The following CAMKK1 variants were observed in gnomAD, a reference collection of about 807,000 sequenced individuals.
The protein encoded by CAMKK1 is calcium/calmodulin-dependent protein kinase kinase 1.
In CAMKK1, 20 loss-of-function variants were observed where a neutral mutation model predicts 63.5. The observed-to-expected ratio is 0.32, with a 90% confidence interval of 0.22 to 0.46. The LOEUF (loss-of-function observed/expected upper bound fraction) is 0.46. CAMKK1 is among the 20% of genes least tolerant of loss of function. The probability of loss-of-function intolerance (pLI) is 1.00; values close to 1 mark genes in which losing one functional copy is unlikely to be tolerated. For missense variants in CAMKK1, 588 were observed against 658.1 expected, an observed-to-expected ratio of 0.89 and a Z score of 1.17; for synonymous variants, 253 against 269.0, an observed-to-expected ratio of 0.94 and a Z score of 0.58.
intron 9 of CAMKK1, among the ~76,000 whole-genome samples, chr17:3,876,718 G>A (rs1044857930): frequency 6.6e-5 from 10 of 151,582 alleles, no homozygotes; most frequent in Middle Eastern, 3.4e-3. Context: ...GAGGTCAGAG[G>A]AAACTAGGGC....
chr17:3,891,433 G>T (rs1344746390), intron 1 of CAMKK1, among the ~76,000 whole-genome samples: 1 of 152,180 alleles, frequency 6.6e-6, no homozygotes, highest in Admixed American at 6.5e-5. Context: ...AAGGCCTTTT[G>T]GGAGCAGGAC....
At chr17:3,871,689 G>A (rs561558021) in intron 12 of CAMKK1, among the ~76,000 whole-genome samples, 18 of 125,544 alleles carry the variant, frequency 1.4e-4, no homozygotes, top group South Asian at 2.5e-4. Flanking sequence ...TTTTTTTTTT[G>A]AGACAGAGTC....
Position 3,883,757 on chromosome 17 carries a change from C to A in CAMKK1, c.462+127G>T. On this transcript the variant is annotated intron_variant, in intron 4 of 15. Coordinates refer to ENST00000348335, the MANE Select transcript of CAMKK1 (RefSeq NM_032294.3). This position sits in a 1 kb window ranked among gnomAD's most constrained non-coding sequence, Gnocchi z 4.7. Reference sequence around the variant, plus strand: ...GTTAGGAAGCTCATTCCTTTGCATACCCCTAGGGACAGGGAGCTCACTCTC... The same window carrying A: ...GTTAGGAAGCTCATTCCTTTGCATAACCCTAGGGACAGGGAGCTCACTCTC... The A allele has an allele frequency of 1.1e-6, 1 of 887,986 alleles. No homozygotes were observed. The highest frequency in any genetic ancestry group is 1.8e-6 in the Non-Finnish European group (1 of 540,698). 55.0% of individuals were successfully genotyped at this position (887,986 alleles called of 1,614,324 possible). A position where few individuals can be genotyped will look rare whatever the true frequency, so the allele number is the denominator to read the frequency against.
At position 3,869,550 on chromosome 17, in the gene CAMKK1, C is replaced by T; in HGVS notation, c.1278G>A (p.Val426=). 2 of 1,614,236 alleles carry T rather than the reference C, an allele frequency of 1.2e-6. No homozygotes were observed. Among genetic ancestry groups the T allele is most frequent in the Non-Finnish European group, 8.5e-7 (1 of 1,180,040 alleles). Reference sequence around the variant, plus strand: ...TAACCTCCTCCTCTGTCACCTCCACCACGCTGCAGTGCTCCTCCTCCGAAG... The same window carrying T: ...TAACCTCCTCCTCTGTCACCTCCACTACGCTGCAGTGCTCCTCCTCCGAAG... ...PLPSEEEHCS[V]VEVTEEEVKN... The change falls in exon 14 of 16, where the codon GTG becomes GTA. Residue 426 remains valine (V), a synonymous_variant. Coordinates refer to ENST00000348335, the MANE Select transcript of CAMKK1 (RefSeq NM_032294.3).
Position 3,885,298 on chromosome 17 carries a change from A to T in CAMKK1, c.360+30T>A, listed in dbSNP as rs1346577166. ...TTCATTGCAGACTACTGAGGGGCTCATGAACAACCCCTCGTTCTGCCCCAC... is the reference window on the plus strand; with the variant it reads ...TTCATTGCAGACTACTGAGGGGCTCTTGAACAACCCCTCGTTCTGCCCCAC... On this transcript the variant is annotated intron_variant, in intron 2 of 15. Coordinates refer to ENST00000348335, the MANE Select transcript of CAMKK1 (RefSeq NM_032294.3). 3.2e-6 allele frequency: 5 copies of T among 1,551,392 alleles called. No individual in the cohort carries two copies. In the East Asian group the frequency reaches 1.1e-4, roughly 35 times the overall value.
intron 10 of CAMKK1, among the ~76,000 whole-genome samples, chr17:3,875,185 T>C (rs9898774): frequency 0.17 from 25,748 of 152,144 alleles, 3,315 homozygotes; most frequent in African/African-American, 0.35. Context: ...TGAATCTGGG[T>C]AAAAAGATAT....
At chr17:3,867,280 C>T (rs773130616) in intron 14 of CAMKK1, among the ~76,000 whole-genome samples, 2 of 152,104 alleles carry the variant, frequency 1.3e-5, no homozygotes, top group African/African-American at 2.4e-5. Context: ...CAGAGGGAAG[C>T]GAAGTCTGAA....
chr17:3,871,333 GTTTTTTTTTTTTTGTTTTTTTTTTTTT>G (rs1348635302), intron 12 of CAMKK1, among the ~76,000 whole-genome samples: 1 of 111,006 alleles, frequency 9.0e-6, no homozygotes, highest in South Asian at 3.0e-4. Flanking sequence ...GTTGTTTTTT[GTTTTTTTTTTTTTGTTTTTTTTTTTTT>G]TTTTTTTTTT....
At chr17:3,891,082 G>C (rs1435613211) in intron 1 of CAMKK1, among the ~76,000 whole-genome samples, 2 of 149,364 alleles carry the variant, frequency 1.3e-5, no homozygotes, top group Non-Finnish European at 3.0e-5. Context: ...TAGAGGAGCA[G>C]AAGTGGCCTC....
At chr17:3,870,755 C>T (rs764178130) in intron 12 of CAMKK1, among the ~76,000 whole-genome samples, 15 of 152,150 alleles carry the variant, frequency 9.9e-5, no homozygotes, top group Non-Finnish European at 2.1e-4. Flanking sequence ...CTGTTGACTT[C>T]GGTTCCCCCT....
chr17:3,869,983 G>T, intron 12 of CAMKK1, 95 bp from the exon 13 acceptor site: 1 of 997,434 alleles, frequency 1.0e-6, no homozygotes. Flanking sequence ...CCTCGGATGG[G>T]AAGACTGAGT....
Position 3,872,570 on chromosome 17 carries a change from C to A in CAMKK1, c.1108G>T (p.Val370Leu). The stretch of plus-strand genomic sequence containing the variant: ...ACAACTCACTCCTCAGGAAACACCA[C>A]GGGCTCATTCTTGATCTTCCTGTGG... ...ALHRKIKNEP[V>L]VFPEEPEISE... Residue 370 changes from valine to leucine, a missense_variant, in exon 12 of 16, where the codon GTG becomes TTG. Val to Leu is a conservative substitution (Grantham distance 32). Around this residue, in one of 3 missense-constraint regions of CAMKK1, gnomAD observed 226 missense variants for 229.2 expected, o/e 0.99. Transcript: ENST00000348335. 1.2e-6 allele frequency: 2 copies of A among 1,613,926 alleles called. No homozygotes were observed. Among genetic ancestry groups the A allele is most frequent in the Non-Finnish European group, 1.7e-6 (2 of 1,179,814 alleles).
At chr17:3,888,845 G>A (rs2055775357) in intron 1 of CAMKK1, among the ~76,000 whole-genome samples, 1 of 152,184 alleles carries the variant, frequency 6.6e-6, no homozygotes. Flanking sequence ...CGCCCCGGCC[G>A]CGTGTGTGAG....
rs1299964867 is a variant in CAMKK1 at position 3,890,217 on chromosome 17, T to G, written c.-44+2722A>C. ...AGCTCCCGCCCCCACCCGGGATGACTCAGTCCCCTTGAGGGAGGCCCAGGC... is the reference window on the plus strand; with the variant it reads ...AGCTCCCGCCCCCACCCGGGATGACGCAGTCCCCTTGAGGGAGGCCCAGGC... On this transcript the variant is annotated intron_variant, in intron 1 of 15. Transcript: ENST00000348335. This position sits in a 1 kb window ranked among gnomAD's most constrained non-coding sequence, Gnocchi z 6.5. Among the ~76,000 whole-genome samples the G allele has an allele frequency of 6.6e-6, 1 of 152,042 alleles. No homozygotes were observed. Among genetic ancestry groups the G allele is most frequent in the Non-Finnish European group, 1.5e-5 (1 of 67,996 alleles).
At position 3,882,458 on chromosome 17, in the gene CAMKK1, A is replaced by T; in HGVS notation, c.685+70T>A. The T allele has an allele frequency of 6.3e-7, 1 of 1,591,218 alleles. No homozygotes were observed. The highest frequency in any genetic ancestry group is 8.6e-7 in the Non-Finnish European group (1 of 1,161,014). The stretch of plus-strand genomic sequence containing the variant: ...CATTTACACCGCCCACCTGAAGGTC[A>T]TACATGTCCCAAGGGAGCCCTTGGG... On this transcript the variant is annotated intron_variant, in intron 7 of 15. Coordinates refer to ENST00000348335, the MANE Select transcript of CAMKK1 (RefSeq NM_032294.3). This position sits in a 1 kb window ranked among gnomAD's most constrained non-coding sequence, Gnocchi z 4.3.
Position 3,885,716 on chromosome 17 carries a change from A to T in CAMKK1, c.-29T>A. 1 of 1,607,150 alleles carries T rather than the reference A, an allele frequency of 6.2e-7. No individual in the cohort carries two copies. Among genetic ancestry groups the T allele is most frequent in the Non-Finnish European group, 8.5e-7 (1 of 1,178,702 alleles). On this transcript the variant is annotated 5_prime_UTR_variant, in exon 2 of 16. Transcript: ENST00000348335. ...TTCAGTCAAGGGGGTTCTTCTGCGT[A>T]GCCTTGTTGGGAACCTGAGAAAAGA...
intron 12 of CAMKK1, among the ~76,000 whole-genome samples, 171 bp downstream of exon 12, chr17:3,872,383 T>C (rs1328756031): frequency 1.3e-5 from 2 of 152,160 alleles, no homozygotes; most frequent in Admixed American, 6.5e-5. Flanking sequence ...CGGAGACCCT[T>C]GGCTCCAGAG....
intron 14 of CAMKK1, among the ~76,000 whole-genome samples, chr17:3,866,613 G>C (rs1186843485): frequency 1.3e-5 from 2 of 152,250 alleles, no homozygotes; most frequent in Non-Finnish European, 2.9e-5. Flanking sequence ...TCCCTCGCTT[G>C]TGTCCATCCA....
chr17:3,891,280 G>A (rs183225770), intron 1 of CAMKK1, among the ~76,000 whole-genome samples: 15 of 152,196 alleles, frequency 9.9e-5, no homozygotes, highest in Non-Finnish European at 1.5e-4. Context: ...TTAATTTCTC[G>A]TGGGGGCAAG....
Sources: gnomAD v4.1 joint callset for allele counts (sites outside exome capture counted in the v4.1 genomes callset) on GRCh38, gnomAD v4.1.1 for gene constraint, gnomAD v4.1.1 regional missense constraint, Gnocchi (gnomAD v3.1) non-coding constraint, MANE v1.5 for transcripts, NCBI Gene and HGNC (gene_info 2026-07-23, HGNC 2026-07-21) for gene names.